The following ADAMTSL3 variants were observed in gnomAD, a reference collection of about 807,000 sequenced individuals.
ADAMTSL3 encodes the protein ADAMTS-like protein 3.
Under a neutral mutation model 201.7 loss-of-function variants are expected in ADAMTSL3, and 128 were observed. The ratio of observed to expected loss-of-function variants is 0.63; its 90% confidence interval spans 0.55 to 0.73. ADAMTSL3 has a LOEUF of 0.73. Among genes scored for constraint, ADAMTSL3 ranks in the 30% least tolerant of loss-of-function variants. The pLI is 0.00. For synonymous variants in ADAMTSL3, 738 were observed against 748.4 expected, an observed-to-expected ratio of 0.99 and a Z score of 0.23; for missense variants, 1,990 against 2,119.6, an observed-to-expected ratio of 0.94 and a Z score of 1.20.
At chr15:83,738,348 T>G (rs1439973074) in intron 3 of ADAMTSL3, among the ~76,000 whole-genome samples, 1 of 152,202 alleles carries the variant, frequency 6.6e-6, no homozygotes, top group Non-Finnish European at 1.5e-5. Flanking sequence ...GGTCTCCTTT[T>G]AGAGATATTT....
intron 27 of ADAMTSL3, among the ~76,000 whole-genome samples, chr15:84,026,144 C>T (rs149891747): frequency 3.0e-3 from 460 of 152,204 alleles, no homozygotes; most frequent in Non-Finnish European, 5.1e-3. Flanking sequence ...GCAAAACTGT[C>T]ATGAGTAAAA....
intron 8 of ADAMTSL3, among the ~76,000 whole-genome samples, chr15:83,869,074 G>C (rs1305947552): frequency 6.6e-6 from 1 of 152,162 alleles, no homozygotes; most frequent in Middle Eastern, 3.2e-3. Context: ...GGAATCCATT[G>C]CACGCTACTT....
intron 3 of ADAMTSL3, among the ~76,000 whole-genome samples, chr15:83,720,579 T>C (rs2062086769): frequency 6.6e-6 from 1 of 152,180 alleles, no homozygotes; most frequent in South Asian, 2.1e-4. Context: ...GATTTAGCGG[T>C]TGGTGACAAA....
intron 5 of ADAMTSL3, among the ~76,000 whole-genome samples, chr15:83,805,814 G>A (rs1274074854): frequency 6.6e-6 from 1 of 152,188 alleles, no homozygotes; most frequent in East Asian, 1.9e-4. Flanking sequence ...CAAGATGGCA[G>A]CATAGGGAGG....
intron 2 of ADAMTSL3, among the ~76,000 whole-genome samples, chr15:83,678,930 A>C (rs1359019772): frequency 6.7e-6 from 1 of 148,646 alleles, no homozygotes; most frequent in Non-Finnish European, 1.5e-5. Flanking sequence ...TTATATATAT[A>C]TATTTCTTCT....
chr15:83,751,208 A>G (rs2062631761), intron 3 of ADAMTSL3, among the ~76,000 whole-genome samples: 1 of 152,240 alleles, frequency 6.6e-6, no homozygotes. Context: ...TCAGTGGACT[A>G]AGTTAACAAT....
chr15:83,880,767 G>A (rs2065254169), intron 9 of ADAMTSL3, among the ~76,000 whole-genome samples: 1 of 152,194 alleles, frequency 6.6e-6, no homozygotes, highest in Non-Finnish European at 1.5e-5. Context: ...AATAGCATAA[G>A]GTGTTGCTAG....
At chr15:83,735,860 TAA>T (rs2062362410) in intron 3 of ADAMTSL3, among the ~76,000 whole-genome samples, 1 of 152,052 alleles carries the variant, frequency 6.6e-6, no homozygotes, top group South Asian at 2.1e-4. Context: ...AGGCTACCAA[TAA>T]AGTCTGAAAA....
chr15:83,900,047 G>A (rs2065693756), intron 15 of ADAMTSL3, among the ~76,000 whole-genome samples: 2 of 152,272 alleles, frequency 1.3e-5, no homozygotes, highest in Middle Eastern at 6.8e-3. Context: ...AACCATCATA[G>A]TATCATACAA....
intron 5 of ADAMTSL3, among the ~76,000 whole-genome samples, chr15:83,819,186 G>T (rs575067902): frequency 3.3e-5 from 5 of 150,024 alleles, no homozygotes; most frequent in Admixed American, 6.8e-5. Flanking sequence ...CAGGAGAATC[G>T]CTTGAACCTG....
chr15:83,844,631 C>T (rs1382605091), intron 7 of ADAMTSL3, among the ~76,000 whole-genome samples: 5 of 152,118 alleles, frequency 3.3e-5, no homozygotes, highest in Admixed American at 3.3e-4. Flanking sequence ...AAAAGTTTCA[C>T]CCTCCTCCAT....
At chr15:83,850,263 G>C (rs916124557) in intron 7 of ADAMTSL3, among the ~76,000 whole-genome samples, 7 of 151,874 alleles carry the variant, frequency 4.6e-5, no homozygotes, top group African/African-American at 7.3e-5. Context: ...CAGCTCCTCT[G>C]TGTCCTCAGA....
chr15:83,680,908 A>G (rs2141423412), intron 2 of ADAMTSL3, among the ~76,000 whole-genome samples: 1 of 152,256 alleles, frequency 6.6e-6, no homozygotes, highest in South Asian at 2.1e-4. Flanking sequence ...TTCAAAGCAA[A>G]TGTTATCCAA....
chr15:83,726,394 C>T (rs2062175929), intron 3 of ADAMTSL3, among the ~76,000 whole-genome samples: 1 of 151,996 alleles, frequency 6.6e-6, no homozygotes, highest in African/African-American at 2.4e-5. Context: ...ATTTATTTCT[C>T]TGTCTGATTG....
intron 22 of ADAMTSL3, 68 bp downstream of exon 22, chr15:83,988,886 TA>T (rs1190115786): frequency 1.7e-3 from 1,682 of 994,316 alleles, no homozygotes; most frequent in East Asian, 2.0e-3. Flanking sequence ...TTTATTTATT[TA>T]TTTTTTTTTT....
intron 3 of ADAMTSL3, among the ~76,000 whole-genome samples, chr15:83,744,193 G>T (rs2062506465): frequency 1.3e-5 from 2 of 152,132 alleles, no homozygotes; most frequent in African/African-American, 4.8e-5. Flanking sequence ...CTTCATGTGG[G>T]AAGTTCATTT....
chr15:83,995,030 C>T (rs1289472682), intron 23 of ADAMTSL3, among the ~76,000 whole-genome samples: 3 of 152,076 alleles, frequency 2.0e-5, no homozygotes, highest in Non-Finnish European at 4.4e-5. Flanking sequence ...TCACCAAGCC[C>T]CCTTGAAACA....
chr15:83,824,556 G>A (rs2063977717), intron 6 of ADAMTSL3, among the ~76,000 whole-genome samples: 3 of 152,164 alleles, frequency 2.0e-5, no homozygotes, highest in Admixed American at 2.0e-4. Context: ...TTGGACAAAT[G>A]TATAATGACA....
chr15:83,838,194 T>G lies in ADAMTSL3; in HGVS notation c.706T>G (p.Ser236Ala), dbSNP rs1697094008. The G allele has an allele frequency of 6.2e-7, 1 of 1,613,070 alleles. No homozygotes were observed. The highest frequency in any genetic ancestry group is 8.5e-7 in the Non-Finnish European group (1 of 1,179,604). Residue 236 changes from serine to alanine, a missense_variant, in exon 7 of 30, where the codon TCA (serine) becomes GCA (alanine). Transcript: ENST00000286744. ...CAGGCTTGTACGGGGACAATCAAAG[T>G]CACACGTTTCTCCTGAAAAAAGTAG... Reference protein sequence around the residue: ...TCRLVRGQSKSHVSPEKREEN... With the variant: ...TCRLVRGQSKAHVSPEKREEN...
Sources: gnomAD v4.1 joint callset for allele counts (sites outside exome capture counted in the v4.1 genomes callset) on GRCh38, gnomAD v4.1.1 for gene constraint, MANE v1.5 for transcripts, NCBI Gene and HGNC (gene_info 2026-07-23, HGNC 2026-07-21) for gene names.